Variants in SH3RF3 observed in about 807,000 individuals in gnomAD.
SH3RF3 encodes the protein E3 ubiquitin-protein ligase SH3RF3.
A neutral mutation model predicts 66.3 loss-of-function variants in SH3RF3; 29 were observed. The observed-to-expected ratio is 0.44, with a 90% CI of 0.33 to 0.60. The LOEUF is 0.60. SH3RF3 is among the 20% of genes least tolerant of loss of function. SH3RF3 has a pLI of 0.04. For missense variants in SH3RF3, 1,194 were observed against 1,190.9 expected (o/e 1.00, Z -0.04); for synonymous variants, 583 against 532.0 (o/e 1.10, Z -1.32).
At chr2:109,260,062 T>C (rs1170595443) in intron 1 of SH3RF3, among the ~76,000 whole-genome samples, 1 of 152,232 alleles carries the variant, frequency 6.6e-6, no homozygotes, top group African/African-American at 2.4e-5. Flanking sequence ...TTGTGATGTT[T>C]ATCTCAACCC....
intron 1 of SH3RF3, among the ~76,000 whole-genome samples, chr2:109,227,882 A>G (rs893037755): frequency 2.0e-5 from 3 of 152,176 alleles, no homozygotes; most frequent in Admixed American, 2.0e-4. Context: ...TTTGTCTGCA[A>G]CTGCAGTTCC....
intron 7 of SH3RF3, among the ~76,000 whole-genome samples, chr2:109,437,462 A>G (rs535553647): frequency 7.8e-4 from 119 of 152,342 alleles, no homozygotes; most frequent in African/African-American, 2.8e-3. Context: ...ACAAATATTT[A>G]CACATTTCAT....
chr2:109,251,446 T>A lies in SH3RF3; in HGVS notation c.574-96228T>A, dbSNP rs981045548. The A allele has an allele frequency of 9.7e-6, 7 of 720,458 alleles. No individual in the cohort carries two copies. In the African/African-American group the frequency reaches 1.0e-4, roughly 11 times the overall value. 44.6% of individuals were successfully genotyped at this position (720,458 alleles called of 1,614,324 possible). ...CATGAGCAAAGCTCACCCTCCCGAG[T>A]TGAAAAAATCTATGGACAAGAAGTT... On this transcript the variant is annotated intron_variant, in intron 1 of 9. Coordinates refer to ENST00000309415, the MANE Select transcript of SH3RF3 (RefSeq NM_001099289.3).
At chr2:109,333,507 C>T (rs915611237) in intron 1 of SH3RF3, among the ~76,000 whole-genome samples, 5 of 152,124 alleles carry the variant, frequency 3.3e-5, no homozygotes, top group Admixed American at 3.3e-4. Context: ...TATAGCATAC[C>T]CCACCTGTTT....
intron 2 of SH3RF3, among the ~76,000 whole-genome samples, chr2:109,361,403 A>G (rs1388164707): frequency 6.6e-6 from 1 of 152,166 alleles, no homozygotes; most frequent in African/African-American, 2.4e-5. Flanking sequence ...CTTCATTTAT[A>G]TGTTTGGTAG....
chr2:109,415,300 G>C (rs945224280), intron 4 of SH3RF3, among the ~76,000 whole-genome samples: 1 of 152,240 alleles, frequency 6.6e-6, no homozygotes, highest in Non-Finnish European at 1.5e-5. Context: ...CCACGGTGTG[G>C]TGGCTAAGCA....
chr2:109,474,965 TTTTTTTTG>T (rs760691479), intron 8 of SH3RF3, among the ~76,000 whole-genome samples: 13 of 151,380 alleles, frequency 8.6e-5, no homozygotes, highest in Non-Finnish European at 1.5e-4. Context: ...TTTGTTTGGG[TTTTTTTTG>T]TTTGTTTGTT....
chr2:109,181,361 T>C (rs1678070021), intron 1 of SH3RF3, among the ~76,000 whole-genome samples: 1 of 152,176 alleles, frequency 6.6e-6, no homozygotes, highest in African/African-American at 2.4e-5. Flanking sequence ...AATTACAGGT[T>C]TTACCAGGGT....
At chr2:109,354,646 C>T (rs2105595250) in intron 2 of SH3RF3, among the ~76,000 whole-genome samples, 1 of 152,364 alleles carries the variant, frequency 6.6e-6, no homozygotes, top group Non-Finnish European at 1.5e-5. Context: ...CAAGATGTGC[C>T]TTTGTAGTGG....
chr2:109,375,545 T>C (rs1472984326), intron 3 of SH3RF3, among the ~76,000 whole-genome samples: 1 of 152,220 alleles, frequency 6.6e-6, no homozygotes, highest in Admixed American at 6.5e-5. Flanking sequence ...TCTGGGTCTT[T>C]AGCCCTTGAG....
At chr2:109,346,374 GTAC>G (rs1419042665) in intron 1 of SH3RF3, among the ~76,000 whole-genome samples, 1 of 152,166 alleles carries the variant, frequency 6.6e-6, no homozygotes, top group African/African-American at 2.4e-5. Flanking sequence ...GTTTTTCGAT[GTAC>G]TACTGCTTCA....
At chr2:109,167,368 C>G (rs1324090424) in intron 1 of SH3RF3, among the ~76,000 whole-genome samples, 1 of 152,164 alleles carries the variant, frequency 6.6e-6, no homozygotes, top group Non-Finnish European at 1.5e-5. Flanking sequence ...TTAGCTCTCT[C>G]TGATGCCTGG....
intron 5 of SH3RF3, among the ~76,000 whole-genome samples, chr2:109,425,369 AAAC>A (rs143818329): frequency 0.019 from 2,843 of 152,364 alleles, 107 homozygotes; most frequent in African/African-American, 0.065. Flanking sequence ...TGGCGACACT[AAAC>A]AACAGATTTT....
intron 8 of SH3RF3, among the ~76,000 whole-genome samples, chr2:109,467,047 G>C (rs997323976): frequency 6.6e-6 from 1 of 152,224 alleles, no homozygotes; most frequent in Non-Finnish European, 1.5e-5. Flanking sequence ...CTGCTCTGCT[G>C]GTGGAAATGT....
intron 2 of SH3RF3, among the ~76,000 whole-genome samples, chr2:109,350,567 G>A (rs1396807881): frequency 6.6e-6 from 1 of 152,182 alleles, no homozygotes; most frequent in African/African-American, 2.4e-5. Context: ...TACCTGTTCT[G>A]TCCTGTTGCA....
intron 1 of SH3RF3, among the ~76,000 whole-genome samples, chr2:109,181,388 C>A (rs570957213): frequency 9.2e-5 from 14 of 152,316 alleles, no homozygotes; most frequent in African/African-American, 3.4e-4. Context: ...AGTCTTGCCA[C>A]TCACGTCTTT....
chr2:109,398,610 G>C lies in SH3RF3; in HGVS notation c.966G>C (p.Gln322His). ...CTCAGCTCAATGACTCCGCCAAGCAGCTCATTGAGATGGACAAGCCATGCC... is the reference window on the plus strand; with the variant it reads ...CTCAGCTCAATGACTCCGCCAAGCACCTCATTGAGATGGACAAGCCATGCC... Reference protein sequence around the residue: ...LYVELNDSAKQLIEMDKPCPA... With the variant: ...LYVELNDSAKHLIEMDKPCPA... The change falls in exon 4 of 10, where the codon CAG (glutamine) becomes CAC (histidine). Residue 322 changes from glutamine (Q) to histidine (H), a missense_variant. Coordinates refer to ENST00000309415, the MANE Select transcript of SH3RF3 (RefSeq NM_001099289.3). 3.2e-6 allele frequency: 5 copies of C among 1,580,090 alleles called. No individual in the cohort carries two copies. Among genetic ancestry groups the C allele is most frequent in the Non-Finnish European group, 4.3e-6 (5 of 1,164,580 alleles).
chr2:109,151,099 G>A (rs1006617535), intron 1 of SH3RF3, among the ~76,000 whole-genome samples: 1 of 152,176 alleles, frequency 6.6e-6, no homozygotes, highest in Non-Finnish European at 1.5e-5. Flanking sequence ...CAATGTATTT[G>A]CCCTGCATTT....
chr2:109,144,486 A>C (rs1677045529), intron 1 of SH3RF3, among the ~76,000 whole-genome samples: 1 of 152,238 alleles, frequency 6.6e-6, no homozygotes, highest in Admixed American at 6.5e-5. Context: ...GCTCACGCCC[A>C]GCTGTGGATG....
Sources: gnomAD v4.1 joint callset for allele counts (sites outside exome capture counted in the v4.1 genomes callset) on GRCh38, gnomAD v4.1.1 for gene constraint, MANE v1.5 for transcripts, NCBI Gene and HGNC (gene_info 2026-07-23, HGNC 2026-07-21) for gene names.